PLCL1: variants seen among roughly 807,000 people sequenced by gnomAD.
The protein encoded by PLCL1 is phospholipase C like 1 (inactive), also known as inactive phospholipase C-like protein 1.
Under a neutral mutation model 84.4 loss-of-function variants are expected in PLCL1, and 41 were observed. That is an observed-to-expected ratio of 0.49 (90% CI 0.38 to 0.63). PLCL1 has a LOEUF of 0.63. Among genes scored for constraint, PLCL1 ranks in the 30% least tolerant of loss-of-function variants. PLCL1 has a pLI of 0.00. For synonymous variants in PLCL1, 490 were observed against 488.3 expected (o/e 1.00, Z -0.05); for missense variants, 1,206 against 1,367.8 (o/e 0.88, Z 1.87).
intron 3 of PLCL1, among the ~76,000 whole-genome samples, chr2:198,099,811 TTTGATCC>T (rs1693287651): frequency 6.6e-6 from 1 of 152,182 alleles, no homozygotes; most frequent in Non-Finnish European, 1.5e-5. Context: ...TGGAGTATGT[TTTGATCC>T]TAAATTTATT....
rs563364651 is a variant in PLCL1, at chr2:197,831,029, G to C, written c.240+25690G>C. Among the ~76,000 whole-genome samples the C allele has an allele frequency of 2.0e-5, 3 of 152,272 alleles. No homozygotes were observed. The South Asian group carries it at 6.2e-4, about 32-fold the overall frequency. On this transcript the variant is annotated intron_variant, in intron 1 of 5. Transcript: ENST00000428675. The stretch of plus-strand genomic sequence containing the variant: ...GCTCCTGAAGGAAGCAGTAAATACG[G>C]AAAGGAAAAACCAGTACCAGCCACT...
Position 198,085,668 on chromosome 2 carries a change from G to C in PLCL1, c.2151G>C (p.Gly717=). ...FSANTKGILP[G]VSPLALHIKI... Reference sequence around the variant, plus strand: ...CAAATACAAAGGGCATTCTACCTGGGGTGTCTCCTCTAGCTCTTCATATCA... The same window carrying C: ...CAAATACAAAGGGCATTCTACCTGGCGTGTCTCCTCTAGCTCTTCATATCA... The change falls in exon 2 of 6, where the codon GGG becomes GGC. Residue 717 remains glycine, a synonymous_variant. Transcript: ENST00000428675. The surrounding 1 kb of genome is among the most constrained non-coding windows in gnomAD (Gnocchi z 5.3). 6.2e-7 allele frequency: 1 copy of C among 1,614,016 alleles called. No homozygotes were observed.
intron 1 of PLCL1, among the ~76,000 whole-genome samples, chr2:198,053,469 C>T (rs946463413): frequency 2.6e-5 from 4 of 152,232 alleles, no homozygotes; most frequent in Non-Finnish European, 5.9e-5. Flanking sequence ...CCATCCTCTC[C>T]TTCTGTCCCT....
chr2:197,991,915 G>A (rs953319127), intron 1 of PLCL1, among the ~76,000 whole-genome samples: 1 of 152,086 alleles, frequency 6.6e-6, no homozygotes, highest in African/African-American at 2.4e-5. Flanking sequence ...ACCGGAGATC[G>A]CTCATCTGTG....
intron 5 of PLCL1, among the ~76,000 whole-genome samples, chr2:198,115,834 C>T (rs879645336): frequency 7.6e-4 from 115 of 151,476 alleles, no homozygotes; most frequent in South Asian, 4.2e-3. Context: ...TGTTTGGCCC[C>T]GCCCTTGACA....
chr2:197,846,980 G>T (rs1218208479), intron 1 of PLCL1, among the ~76,000 whole-genome samples: 1 of 152,108 alleles, frequency 6.6e-6, no homozygotes, highest in Non-Finnish European at 1.5e-5. Flanking sequence ...GAAGTAGTAG[G>T]CTGGGTCCTT....
intron 1 of PLCL1, among the ~76,000 whole-genome samples, chr2:197,853,080 A>G (rs536325051): frequency 2.6e-5 from 4 of 152,074 alleles, no homozygotes; most frequent in Admixed American, 2.6e-4. Flanking sequence ...TATGAATTTG[A>G]CTCTTTTATG....
At chr2:197,814,143 G>A (rs868805814) in intron 1 of PLCL1, among the ~76,000 whole-genome samples, 147 of 152,174 alleles carry the variant, frequency 9.7e-4, no homozygotes, top group African/African-American at 3.4e-3. Flanking sequence ...ATCACACTTT[G>A]CTTTGTTGTA....
chr2:197,834,453 C>G lies in PLCL1; in HGVS notation c.240+29114C>G, dbSNP rs150197728. Among the ~76,000 whole-genome samples, 1,205 of 152,044 alleles carry G rather than the reference C, an allele frequency of 7.9e-3. 17 individuals carry two copies. Among genetic ancestry groups the G allele is most frequent in the African/African-American group, 0.028 (1,156 of 41,500 alleles). On this transcript the variant is annotated intron_variant, in intron 1 of 5. Transcript: ENST00000428675. ...TCTACAAAGAGCTTAAACAAATTTA[C>G]AAGAAAAAAACAACCCCATCAAAAA...
At chr2:197,932,352 T>A (rs1371683511) in intron 1 of PLCL1, among the ~76,000 whole-genome samples, 1 of 152,198 alleles carries the variant, frequency 6.6e-6, no homozygotes, top group Non-Finnish European at 1.5e-5. Flanking sequence ...TTTTGACAAC[T>A]ATTTTTTAAA....
intron 1 of PLCL1, among the ~76,000 whole-genome samples, chr2:197,912,789 C>G (rs1298442466): frequency 3.0e-5 from 1 of 33,376 alleles, no homozygotes; most frequent in Non-Finnish European, 4.4e-5. Context: ...CTCTGGGGAC[C>G]GTGGTGGGGT....
At chr2:197,948,081 T>C (rs1388788175) in intron 1 of PLCL1, among the ~76,000 whole-genome samples, 2 of 152,118 alleles carry the variant, frequency 1.3e-5, no homozygotes, top group Admixed American at 1.3e-4. Context: ...TGTTGGCTTA[T>C]TTTATGTGAT....
intron 1 of PLCL1, among the ~76,000 whole-genome samples, chr2:198,060,821 G>A (rs1267415860): frequency 1.3e-5 from 2 of 152,054 alleles, no homozygotes; most frequent in Non-Finnish European, 2.9e-5. Flanking sequence ...ATCCCTTGAG[G>A]TGACTTGAAA....
intron 1 of PLCL1, among the ~76,000 whole-genome samples, chr2:198,075,809 A>G (rs953026356): frequency 1.3e-5 from 2 of 152,226 alleles, no homozygotes; most frequent in African/African-American, 4.8e-5. Flanking sequence ...ATTAGCTACA[A>G]ACATTCATAC....
chr2:197,936,937 CT>C (rs1376298754), intron 1 of PLCL1, among the ~76,000 whole-genome samples: 2 of 152,134 alleles, frequency 1.3e-5, no homozygotes, highest in East Asian at 1.9e-4. Context: ...AGTCTTCAAT[CT>C]GCTTTGAGTT....
intron 1 of PLCL1, among the ~76,000 whole-genome samples, chr2:197,845,635 A>G (rs1206439108): frequency 6.6e-6 from 1 of 152,114 alleles, no homozygotes; most frequent in African/African-American, 2.4e-5. Flanking sequence ...TTAGATAAAC[A>G]TATATCTTTA....
intron 1 of PLCL1, among the ~76,000 whole-genome samples, chr2:197,811,250 C>T (rs868521790): frequency 1.3e-5 from 2 of 152,218 alleles, no homozygotes; most frequent in Admixed American, 6.5e-5. Flanking sequence ...CAACAACATT[C>T]GGTCTTACAT....
chr2:198,146,194 T>C (rs1294667405), intron 5 of PLCL1, among the ~76,000 whole-genome samples: 2 of 152,170 alleles, frequency 1.3e-5, no homozygotes, highest in Non-Finnish European at 2.9e-5. Context: ...GGGAACATCA[T>C]CTTCAGGATG....
At chr2:197,978,801 C>T (rs995567489) in intron 1 of PLCL1, among the ~76,000 whole-genome samples, 1 of 152,226 alleles carries the variant, frequency 6.6e-6, no homozygotes, top group Non-Finnish European at 1.5e-5. Flanking sequence ...CCCACACTCA[C>T]TCAGACTGGC....
Sources: allele counts gnomAD v4.1 joint callset (sites outside exome capture counted in the v4.1 genomes callset), GRCh38; gene constraint gnomAD v4.1.1; non-coding constraint Gnocchi (gnomAD v3.1); transcripts MANE v1.5; gene names NCBI Gene and HGNC (gene_info 2026-07-23, HGNC 2026-07-21).